The following CUX1 variants were observed in gnomAD, a reference collection of about 807,000 sequenced individuals.
CUX1 encodes protein CASP.
CUX1 carries 31 observed loss-of-function variants against 158.8 expected under a neutral mutation model. That is an observed-to-expected ratio of 0.20 (90% CI 0.15 to 0.26). The LOEUF (loss-of-function observed/expected upper bound fraction) is 0.26, where lower values mean the gene tolerates loss of function less well. Among genes scored for constraint, CUX1 ranks in the 10% least tolerant of loss-of-function variants. CUX1 has a pLI of 1.00. For missense variants in CUX1, 1,589 were observed against 2,014.6 expected (o/e 0.79, Z 4.04); for synonymous variants, 879 against 862.1 (o/e 1.02, Z -0.34).
Position 102,248,874 on chromosome 7 carries a change from C to T in CUX1, c.4350C>T (p.Pro1450=), listed in dbSNP as rs782279581. The T allele has an allele frequency of 6.7e-6, 9 of 1,341,646 alleles. No homozygotes were observed. The highest frequency in any genetic ancestry group is 8.7e-6 in the Non-Finnish European group (9 of 1,038,842). The allele number at this position is 1,341,646 out of a possible 1,614,324, so 83.1% of individuals were successfully genotyped here. ...PPSNSSSSSA[P]RRPSSLQSLF... is the part of the protein sequence containing the mutation. ...GCAACAGCAGCAGCAGCAGCGCCCC[C>T]CGCAGGCCCAGCTCGCTGCAGAGCC... The change falls in exon 24 of 24, where the codon CCC becomes CCT. Residue 1450 remains proline (P), a synonymous_variant. Coordinates refer to ENST00000292535, the MANE Select transcript of CUX1 (RefSeq NM_181552.4). The surrounding 1 kb of genome is among the most constrained non-coding windows in gnomAD (Gnocchi z 5.8).
intron 4 of CUX1, among the ~76,000 whole-genome samples, chr7:102,094,357 A>G (rs965106730): frequency 6.6e-6 from 1 of 152,192 alleles, no homozygotes; most frequent in Non-Finnish European, 1.5e-5. Flanking sequence ...ATAGGCATTA[A>G]CCTTTAATAG....
At chr7:102,219,055 AACACACACACACACACACACAC>A (rs3138788) in intron 20 of CUX1, among the ~76,000 whole-genome samples, 5 of 126,248 alleles carry the variant, frequency 4.0e-5, no homozygotes, top group Admixed American at 8.4e-5. Flanking sequence ...CCTGCCTCAA[AACACACACACACACACACACAC>A]ACACACACAC....
intron 5 of CUX1, among the ~76,000 whole-genome samples, chr7:102,103,415 G>A (rs1220140208): frequency 7.5e-6 from 1 of 133,330 alleles, no homozygotes; most frequent in African/African-American, 3.0e-5. Flanking sequence ...TTTGCTCTCC[G>A]TTTCTCTCTC....
intron 13 of CUX1, among the ~76,000 whole-genome samples, chr7:102,195,128 A>G (rs894153206): frequency 8.6e-5 from 13 of 151,910 alleles, no homozygotes; most frequent in Admixed American, 6.6e-4. Flanking sequence ...AAAAAAAAAA[A>G]AAAAGAAAAG....
intron 20 of CUX1, among the ~76,000 whole-genome samples, chr7:102,208,988 C>T (rs1245728688): frequency 2.0e-5 from 3 of 152,196 alleles, no homozygotes; most frequent in Non-Finnish European, 4.4e-5. Flanking sequence ...CCAGCCACAG[C>T]CCTGCAGTAA....
intron 2 of CUX1, among the ~76,000 whole-genome samples, chr7:102,010,429 A>G (rs1018346682): frequency 6.6e-6 from 1 of 150,470 alleles, no homozygotes; most frequent in African/African-American, 2.4e-5. Flanking sequence ...TGACTTGGAT[A>G]TGTGCTTACA....
At chr7:102,094,460 C>T (rs1263828030) in intron 4 of CUX1, among the ~76,000 whole-genome samples, 3 of 152,214 alleles carry the variant, frequency 2.0e-5, no homozygotes, top group Non-Finnish European at 4.4e-5. Flanking sequence ...GTGTAAAGGT[C>T]TGGTTCCTCC....
chr7:102,079,741 A>G (rs1554477928), intron 4 of CUX1, among the ~76,000 whole-genome samples: 2 of 152,194 alleles, frequency 1.3e-5, no homozygotes, highest in African/African-American at 4.8e-5. Flanking sequence ...CATGTGATTA[A>G]GAAGTAATCA....
At chr7:102,279,209 C>T (rs1176135828) in intron 18 of CUX1, among the ~76,000 whole-genome samples, 2 of 152,076 alleles carry the variant, frequency 1.3e-5, no homozygotes, top group African/African-American at 4.8e-5. Flanking sequence ...GGCGTGGTGT[C>T]ATGCACCTGT....
At chr7:102,211,080 G>GGGCATGTGGAT (rs1796462296) in intron 20 of CUX1, among the ~76,000 whole-genome samples, 1 of 152,154 alleles carries the variant, frequency 6.6e-6, no homozygotes, top group Non-Finnish European at 1.5e-5. Flanking sequence ...TCAGTGTCGG[G>GGGCATGTGGAT]GGCATGTGGA....
intron 1 of CUX1, among the ~76,000 whole-genome samples, chr7:101,906,151 A>G (rs1371569374): frequency 6.6e-6 from 1 of 152,010 alleles, no homozygotes; most frequent in Non-Finnish European, 1.5e-5. Context: ...AGCGCTGACT[A>G]CATGCCTGTG....
intron 9 of CUX1, among the ~76,000 whole-genome samples, chr7:102,160,764 C>T (rs1350676721): frequency 3.9e-5 from 6 of 152,070 alleles, no homozygotes; most frequent in Admixed American, 2.6e-4. Context: ...GAAAGTGCCA[C>T]GGTGACTGCC....
At chr7:101,989,001 A>AT (rs1554442999) in intron 2 of CUX1, among the ~76,000 whole-genome samples, 1 of 146,636 alleles carries the variant, frequency 6.8e-6, no homozygotes, top group Non-Finnish European at 1.5e-5. Context: ...CTCAAAAAAA[A>AT]AATAATAATA....
At chr7:101,884,040 C>A (rs147451581) in intron 1 of CUX1, among the ~76,000 whole-genome samples, 1 of 151,990 alleles carries the variant, frequency 6.6e-6, no homozygotes, top group South Asian at 2.1e-4. Flanking sequence ...ACAGCAGGTA[C>A]ATGCCACCAT....
At position 102,256,629 on chromosome 7, in the gene CUX1, A is replaced by T; in HGVS notation, c.*7587A>T. The T allele has an allele frequency of 2.0e-6, 2 of 985,420 alleles. No homozygotes were observed. The highest frequency in any genetic ancestry group is 1.2e-6 in the Non-Finnish European group (1 of 829,926). 61.0% of individuals were successfully genotyped at this position (985,420 alleles called of 1,614,324 possible). The stretch of plus-strand genomic sequence containing the variant: ...GTGTTTATGAACAAAAAAATTTACC[A>T]ACGTGTGAGGGAGTTGCTGAGTTGA... On this transcript the variant is annotated 3_prime_UTR_variant, in exon 24 of 24. Transcript: ENST00000292535.
intron 20 of CUX1, among the ~76,000 whole-genome samples, chr7:102,212,771 C>T (rs952168398): frequency 4.0e-5 from 6 of 151,316 alleles, no homozygotes; most frequent in Non-Finnish European, 5.9e-5. Context: ...CTCAAAAAGG[C>T]CGTGTGCCTT....
At chr7:101,901,547 G>T (rs1036440257) in intron 1 of CUX1, among the ~76,000 whole-genome samples, 1 of 152,002 alleles carries the variant, frequency 6.6e-6, no homozygotes, top group East Asian at 1.9e-4. Context: ...CACCTGCCTC[G>T]GCCTCCCAAA....
At chr7:101,939,961 A>G (rs1374038300) in intron 2 of CUX1, among the ~76,000 whole-genome samples, 1 of 152,004 alleles carries the variant, frequency 6.6e-6, no homozygotes, top group African/African-American at 2.4e-5. Flanking sequence ...GGAACCTGTA[A>G]TCCCAGCTAC....
chr7:102,251,415 T>C lies in CUX1; in HGVS notation c.*2373T>C. The C allele has an allele frequency of 1.0e-6, 1 of 985,416 alleles. No individual in the cohort carries two copies. Among genetic ancestry groups the C allele is most frequent in the Non-Finnish European group, 1.2e-6 (1 of 829,930 alleles). The allele number at this position is 985,416 out of a possible 1,614,324, so 61.0% of individuals were successfully genotyped here. A position where few individuals can be genotyped will look rare whatever the true frequency, so the allele number is the denominator to read the frequency against. ...GTCTTTTAACCTGCAGCTGCAGCACTTAGTTCACGTTTTCACAAATTTCAA... is the reference window on the plus strand; with the variant it reads ...GTCTTTTAACCTGCAGCTGCAGCACCTAGTTCACGTTTTCACAAATTTCAA... On this transcript the variant is annotated 3_prime_UTR_variant, in exon 24 of 24. Coordinates refer to ENST00000292535, the MANE Select transcript of CUX1 (RefSeq NM_181552.4).
Sources: allele counts gnomAD v4.1 joint callset (sites outside exome capture counted in the v4.1 genomes callset), GRCh38; gene constraint gnomAD v4.1.1; non-coding constraint Gnocchi (gnomAD v3.1); transcripts MANE v1.5; gene names NCBI Gene and HGNC (gene_info 2026-07-23, HGNC 2026-07-21).